The following MARK3 variants were observed in gnomAD, a reference collection of about 807,000 sequenced individuals.
MARK3 encodes the protein MAP/microtubule affinity-regulating kinase 3.
Under a neutral mutation model 90.1 loss-of-function variants are expected in MARK3, and 46 were observed. The observed-to-expected ratio is 0.51, with a 90% CI of 0.40 to 0.65. The LOEUF (loss-of-function observed/expected upper bound fraction) is 0.65. MARK3 is among the 30% of genes least tolerant of loss of function. The pLI is 0.00. For missense variants in MARK3, 818 were observed against 947.2 expected (o/e 0.86, Z 1.79); for synonymous variants, 321 against 332.6 (o/e 0.97, Z 0.38).
intron 2 of MARK3, chr14:103,412,476 G>T: frequency 1.9e-6 from 1 of 526,538 alleles, no homozygotes; most frequent in Non-Finnish European, 3.4e-6. Flanking sequence ...TTCTTGACCA[G>T]ATTCTTATTC....
In MARK3 at chr14:103,503,142, A is replaced by ACGGGGTC; in HGVS notation, c.2181_2187dup (p.Phe730GlyfsTer4). Reference sequence around the variant, plus strand: ...TGCAAGCTGCCAAGACTGTCTCTGAACGGGGTCCGGTTTAAGCGGATATCG... The same window carrying ACGGGGTC: ...TGCAAGCTGCCAAGACTGTCTCTGAACGGGGTCCGGGGTCCGGTTTAAGCGGATATCG... On this transcript the variant is annotated frameshift_variant, in exon 18 of 18. Transcript: ENST00000429436. LOFTEE classifies it high-confidence loss of function. The ACGGGGTC allele has an allele frequency of 6.2e-7, 1 of 1,614,220 alleles. No homozygotes were observed. Among genetic ancestry groups the ACGGGGTC allele is most frequent in the African/African-American group, 1.3e-5 (1 of 75,054 alleles).
In MARK3 at chr14:103,502,179, A is replaced by G. The variant is rs146537153; in HGVS notation, c.1917-703A>G. Among the ~76,000 whole-genome samples the G allele has an allele frequency of 1.3e-3, 196 of 152,360 alleles. 1 individual carries two copies. The highest frequency in any genetic ancestry group is 4.4e-3 in the African/African-American group (183 of 41,582). The stretch of plus-strand genomic sequence containing the variant: ...TCTTGGACATCAGACCAAGGCTTAC[A>G]TTCTGAATCCACAGGGCATCCACAT... On this transcript the variant is annotated intron_variant, in intron 17 of 17. Transcript: ENST00000429436.
intron 5 of MARK3, among the ~76,000 whole-genome samples, chr14:103,456,650 T>C (rs2093284558): frequency 1.3e-5 from 2 of 152,304 alleles, no homozygotes; most frequent in South Asian, 4.1e-4. Flanking sequence ...AACTAGAATG[T>C]AAACTCTATG....
chr14:103,428,965 A>G (rs17679259), intron 3 of MARK3, among the ~76,000 whole-genome samples: 15,841 of 152,288 alleles, frequency 0.1, 1,043 homozygotes, highest in Middle Eastern at 0.19. Flanking sequence ...TGCCATTAGT[A>G]TCATTTAACA....
Position 103,465,776 on chromosome 14 carries a change from G to A in MARK3, c.760G>A (p.Asp254Asn). The A allele has an allele frequency of 6.2e-7, 1 of 1,613,700 alleles. No individual in the cohort carries two copies. Among genetic ancestry groups the A allele is most frequent in the Non-Finnish European group, 8.5e-7 (1 of 1,179,744 alleles). The change falls in exon 8 of 18, where the codon GAT becomes AAT. Residue 254 changes from aspartate (D) to asparagine (N), a missense_variant. Coordinates refer to ENST00000429436, the MANE Select transcript of MARK3 (RefSeq NM_001128918.3). ...YTLVSGSLPF[D>N]GQNLKELRER... Reference sequence around the variant, plus strand: ...ACTAGTCAGTGGCTCACTTCCCTTTGATGGGCAAAACCTAAAGGTATAAGA... The same window carrying A: ...ACTAGTCAGTGGCTCACTTCCCTTTAATGGGCAAAACCTAAAGGTATAAGA...
chr14:103,426,210 C>T (rs1595611869), intron 2 of MARK3, among the ~76,000 whole-genome samples: 1 of 150,144 alleles, frequency 6.7e-6, no homozygotes, highest in African/African-American at 2.5e-5. Flanking sequence ...AAATTTCATA[C>T]AAATATATTA....
At position 103,430,509 on chromosome 14, in the gene MARK3, A is replaced by G. The variant is rs1804240138; in HGVS notation, c.297+2069A>G. Among the ~76,000 whole-genome samples, 5 of 152,190 alleles carry G rather than the reference A, an allele frequency of 3.3e-5. No individual in the cohort carries two copies. In the South Asian group the frequency reaches 1.0e-3, roughly 32 times the overall value. ...GTTGTATCACACTTGCTTCAGGAAC[A>G]GCTCTCTTAGATAGTGATTTAAAGC... On this transcript the variant is annotated intron_variant, in intron 3 of 17. Transcript: ENST00000429436.
At chr14:103,391,650 T>C (rs929760423) in intron 1 of MARK3, among the ~76,000 whole-genome samples, 1 of 151,460 alleles carries the variant, frequency 6.6e-6, no homozygotes, top group African/African-American at 2.4e-5. Context: ...GTTCAAGCGA[T>C]TGTCGTGCGC....
At chr14:103,423,678 G>A (rs1194375590) in intron 2 of MARK3, among the ~76,000 whole-genome samples, 1 of 152,190 alleles carries the variant, frequency 6.6e-6, no homozygotes, top group Non-Finnish European at 1.5e-5. Context: ...GGTGATTTTG[G>A]TGGAGTCATC....
Position 103,459,673 on chromosome 14 carries a change from A to ATTT in MARK3, c.483+2470_483+2472dup, listed in dbSNP as rs67953960. Among the ~76,000 whole-genome samples the ATTT allele has an allele frequency of 4.9e-3, 729 of 147,722 alleles. 3 individuals carry two copies. Among genetic ancestry groups the ATTT allele is most frequent in the Admixed American group, 9.6e-3 (142 of 14,836 alleles). The stretch of plus-strand genomic sequence containing the variant: ...CACCACCACGCCCAGCTAATTTTTT[A>ATTT]TTTTTTTTTTTGTAATTTTAGTAGA... On this transcript the variant is annotated intron_variant, in intron 6 of 17. Coordinates refer to ENST00000429436, the MANE Select transcript of MARK3 (RefSeq NM_001128918.3).
At chr14:103,424,324 G>A (rs529647351) in intron 2 of MARK3, among the ~76,000 whole-genome samples, 1 of 151,636 alleles carries the variant, frequency 6.6e-6, no homozygotes, top group African/African-American at 2.4e-5. Context: ...CTTGAGCCCA[G>A]GAGTTTGAGA....
intron 1 of MARK3, among the ~76,000 whole-genome samples, chr14:103,392,782 T>C (rs2090338628): frequency 6.6e-6 from 1 of 151,798 alleles, no homozygotes; most frequent in Non-Finnish European, 1.5e-5. Context: ...ATTTAAAATA[T>C]GTAATATGGT....
At chr14:103,483,616 T>G (rs1465796438) in intron 14 of MARK3, among the ~76,000 whole-genome samples, 4 of 152,260 alleles carry the variant, frequency 2.6e-5, no homozygotes, top group Admixed American at 1.3e-4. Flanking sequence ...ACAATAAAGT[T>G]AATGACACAG....
chr14:103,444,928 CTA>C (rs1343996524), intron 3 of MARK3, among the ~76,000 whole-genome samples: 1 of 152,190 alleles, frequency 6.6e-6, no homozygotes, highest in Non-Finnish European at 1.5e-5. Context: ...CCAAATTTAA[CTA>C]TCTTTGGTCA....
intron 13 of MARK3, among the ~76,000 whole-genome samples, chr14:103,479,294 A>G (rs1389100368): frequency 1.3e-5 from 2 of 152,048 alleles, no homozygotes; most frequent in African/African-American, 2.4e-5. Context: ...CAGCCTCCCA[A>G]AGTGCTGGGA....
Position 103,386,294 on chromosome 14 carries a change from G to A in MARK3, c.51+214G>A. 3 of 703,630 alleles carry A rather than the reference G, an allele frequency of 4.3e-6. No individual in the cohort carries two copies. The South Asian group carries it at 4.5e-5, about 11-fold the overall frequency. 43.6% of individuals were successfully genotyped at this position (703,630 alleles called of 1,614,324 possible). A position where few individuals can be genotyped will look rare whatever the true frequency, so the allele number is the denominator to read the frequency against. On this transcript the variant is annotated intron_variant, in intron 1 of 17. Transcript: ENST00000429436. The stretch of plus-strand genomic sequence containing the variant: ...CGGGTCTGCGAAGTACATCGATTAT[G>A]CCGGCAGTCTAGTCGGTTAATAAAG...
chr14:103,407,024 G>T (rs945153895), intron 2 of MARK3, among the ~76,000 whole-genome samples: 1 of 151,898 alleles, frequency 6.6e-6, no homozygotes, highest in Non-Finnish European at 1.5e-5. Flanking sequence ...TAGTAGAGAC[G>T]GGGTTTCACT....
chr14:103,401,993 C>T (rs1169238598), intron 1 of MARK3, among the ~76,000 whole-genome samples: 2 of 152,128 alleles, frequency 1.3e-5, no homozygotes, highest in Non-Finnish European at 2.9e-5. Context: ...AGACTCAAAG[C>T]TAGAGTCTAC....
intron 3 of MARK3, among the ~76,000 whole-genome samples, chr14:103,432,634 C>A: frequency 6.6e-6 from 1 of 152,162 alleles, no homozygotes; most frequent in Admixed American, 6.5e-5. Flanking sequence ...GAGGATCACT[C>A]GAGCTCAGGA....
Sources: gnomAD v4.1 joint callset for allele counts (sites outside exome capture counted in the v4.1 genomes callset) on GRCh38, gnomAD v4.1.1 for gene constraint, MANE v1.5 for transcripts, NCBI Gene and HGNC (gene_info 2026-07-23, HGNC 2026-07-21) for gene names.